The following AGBL4 variants were observed in gnomAD, a reference collection of about 807,000 sequenced individuals.
AGBL4 encodes the protein AGBL carboxypeptidase 4, also known as cytosolic carboxypeptidase 6.
In AGBL4, 58 loss-of-function variants were observed where a neutral mutation model predicts 66.4. The ratio of observed to expected loss-of-function variants is 0.87; its 90% CI spans 0.71 to 1.09. The LOEUF (loss-of-function observed/expected upper bound fraction) is 1.09, where lower values mean the gene tolerates loss of function less well. Among genes scored for constraint, AGBL4 ranks in the 50% least tolerant of loss-of-function variants. The pLI, the probability that AGBL4 is intolerant of heterozygous loss-of-function variation, is 0.00. For synonymous variants in AGBL4, 234 were observed against 222.9 expected (o/e 1.05, Z -0.44); for missense variants, 579 against 631.0 (o/e 0.92, Z 0.88).
At chr1:48,753,293 G>A (rs1392256270) in intron 6 of AGBL4, among the ~76,000 whole-genome samples, 2 of 152,220 alleles carry the variant, frequency 1.3e-5, no homozygotes, top group African/African-American at 4.8e-5. Context: ...ACAGACACCT[G>A]AGAAGGGTTA....
chr1:49,872,741 C>G (rs1484882058), intron 1 of AGBL4, among the ~76,000 whole-genome samples: 2 of 151,854 alleles, frequency 1.3e-5, no homozygotes, highest in Non-Finnish European at 2.9e-5. Context: ...TGCAAATAAG[C>G]CAAGTATAAT....
intron 4 of AGBL4, among the ~76,000 whole-genome samples, chr1:49,179,347 A>C (rs1310861695): frequency 6.6e-6 from 1 of 152,114 alleles, no homozygotes; most frequent in Admixed American, 6.5e-5. Flanking sequence ...AATTATATAT[A>C]GGGGGTTATA....
At chr1:49,645,485 C>G (rs1413612597) in intron 3 of AGBL4, among the ~76,000 whole-genome samples, 5 of 151,282 alleles carry the variant, frequency 3.3e-5, no homozygotes, top group Admixed American at 3.3e-4. Context: ...AACTATGAAA[C>G]TCACAAAAGA....
At chr1:49,307,619 G>T (rs1387892097) in intron 3 of AGBL4, among the ~76,000 whole-genome samples, 1 of 152,114 alleles carries the variant, frequency 6.6e-6, no homozygotes, top group Non-Finnish European at 1.5e-5. Flanking sequence ...GCCTACTAGT[G>T]CTAGTCAACT....
At chr1:49,802,800 C>A (rs915867280) in intron 2 of AGBL4, among the ~76,000 whole-genome samples, 1 of 152,186 alleles carries the variant, frequency 6.6e-6, no homozygotes, top group African/African-American at 2.4e-5. Flanking sequence ...GCCTATCCAT[C>A]CGCCTGGGAA....
At chr1:49,380,339 A>G (rs893914262) in intron 3 of AGBL4, among the ~76,000 whole-genome samples, 1 of 152,304 alleles carries the variant, frequency 6.6e-6, no homozygotes, top group East Asian at 1.9e-4. Context: ...TTAATGAAAT[A>G]AAAGAGGATA....
chr1:48,656,014 C>T (rs1486766013), intron 7 of AGBL4, among the ~76,000 whole-genome samples: 1 of 152,200 alleles, frequency 6.6e-6, no homozygotes, highest in African/African-American at 2.4e-5. Flanking sequence ...CTGGAAGACA[C>T]CATCAACCTC....
chr1:48,677,297 G>A (rs942169395), intron 6 of AGBL4, among the ~76,000 whole-genome samples: 3 of 152,226 alleles, frequency 2.0e-5, no homozygotes, highest in Non-Finnish European at 4.4e-5. Context: ...AAGTAGATTG[G>A]ATTTGTAAGA....
intron 3 of AGBL4, among the ~76,000 whole-genome samples, chr1:49,416,978 C>T (rs933570774): frequency 6.6e-6 from 1 of 152,100 alleles, no homozygotes; most frequent in African/African-American, 2.4e-5. Context: ...CTAAAGCTCA[C>T]TGCTCCATGA....
intron 3 of AGBL4, among the ~76,000 whole-genome samples, chr1:49,571,128 G>A (rs1190784943): frequency 2.0e-5 from 3 of 150,910 alleles, no homozygotes; most frequent in East Asian, 1.9e-4. Context: ...TGTGAAAGAC[G>A]GTGTTTGTAT....
intron 5 of AGBL4, among the ~76,000 whole-genome samples, chr1:48,977,572 T>A (rs1003701702): frequency 6.6e-6 from 1 of 152,136 alleles, no homozygotes; most frequent in Non-Finnish European, 1.5e-5. Flanking sequence ...TCATTTCTCA[T>A]ACCCACAACC....
intron 5 of AGBL4, among the ~76,000 whole-genome samples, chr1:48,875,944 G>C (rs1649179424): frequency 6.6e-6 from 1 of 152,112 alleles, no homozygotes; most frequent in Non-Finnish European, 1.5e-5. Context: ...TAGTTGTGAG[G>C]GATGAGGGAA....
intron 1 of AGBL4, among the ~76,000 whole-genome samples, chr1:49,913,457 C>T (rs1651060066): frequency 6.6e-6 from 1 of 152,234 alleles, no homozygotes; most frequent in African/African-American, 2.4e-5. Flanking sequence ...GGATATTGGG[C>T]CCCCAAGGCC....
chr1:48,843,943 T>G (rs1558034289), intron 6 of AGBL4, among the ~76,000 whole-genome samples: 1 of 152,158 alleles, frequency 6.6e-6, no homozygotes, highest in Non-Finnish European at 1.5e-5. Flanking sequence ...TTACATATAT[T>G]GAATATTATA....
At chr1:49,874,712 C>T (rs143712064) in intron 1 of AGBL4, among the ~76,000 whole-genome samples, 1 of 152,170 alleles carries the variant, frequency 6.6e-6, no homozygotes, top group African/African-American at 2.4e-5. Context: ...TTATCATTAT[C>T]AAACAACATG....
intron 4 of AGBL4, among the ~76,000 whole-genome samples, chr1:49,094,221 C>T (rs554250324): frequency 1.6e-4 from 24 of 152,018 alleles, no homozygotes; most frequent in African/African-American, 5.8e-4. Flanking sequence ...TACTACCCCC[C>T]ACTCCCCTAC....
At chr1:48,559,947 C>T (rs890385512) in intron 11 of AGBL4, among the ~76,000 whole-genome samples, 10 of 152,104 alleles carry the variant, frequency 6.6e-5, no homozygotes, top group African/African-American at 2.4e-5. Context: ...ATTGATGGAG[C>T]CTGTGTCTGT....
intron 5 of AGBL4, among the ~76,000 whole-genome samples, chr1:48,947,635 A>G (rs1368568628): frequency 6.6e-6 from 1 of 152,162 alleles, no homozygotes; most frequent in East Asian, 1.9e-4. Flanking sequence ...GAAGAATATC[A>G]ACCTAAATTT....
chr1:49,605,966 G>A (rs1645056256), intron 3 of AGBL4, among the ~76,000 whole-genome samples: 1 of 151,988 alleles, frequency 6.6e-6, no homozygotes, highest in Non-Finnish European at 1.5e-5. Flanking sequence ...TGTCTTCTTG[G>A]CATTCTCTAT....
Sources: gnomAD v4.1 joint callset for allele counts (sites outside exome capture counted in the v4.1 genomes callset) on GRCh38, gnomAD v4.1.1 for gene constraint, MANE v1.5 for transcripts, NCBI Gene and HGNC (gene_info 2026-07-23, HGNC 2026-07-21) for gene names.